Variants in SYNE1 observed in about 807,000 individuals in gnomAD.
SYNE1 encodes nesprin-1.
Under a neutral mutation model 1,111.0 loss-of-function variants are expected in SYNE1, and 616 were observed. The ratio of observed to expected loss-of-function variants is 0.55; its 90% CI spans 0.52 to 0.59. The LOEUF (loss-of-function observed/expected upper bound fraction) is 0.59. Ranked by LOEUF, SYNE1 falls within the 20% of genes least tolerant of loss-of-function variation. The pLI is 0.00. For missense variants in SYNE1, 10,006 were observed against 10,417.0 expected (o/e 0.96, Z 1.72); for synonymous variants, 3,855 against 3,825.8 (o/e 1.01, Z -0.28).
intron 77 of SYNE1, among the ~76,000 whole-genome samples, chr6:152,332,997 A>G (rs1245144249): frequency 6.6e-6 from 1 of 152,048 alleles, no homozygotes; most frequent in Non-Finnish European, 1.5e-5. Flanking sequence ...AGTAAATGTT[A>G]AGTATCAAAG....
chr6:152,455,988 GC>G lies in SYNE1; in HGVS notation c.2624del (p.Gly875AlafsTer9). On this transcript the variant is annotated frameshift_variant, in exon 23 of 146. Coordinates refer to ENST00000367255, the MANE Select transcript of SYNE1 (RefSeq NM_182961.4). LOFTEE classifies it high-confidence loss of function. ...TCACAAACTTTTGAACACTTTGACT[GC>G]CTTTCTCAATAAGTGTCAAGGTTTT... ...CKKTLTLIEK[G>X]SQSVQKFVTL... 4 of 1,614,064 alleles carry G rather than the reference GC, an allele frequency of 2.5e-6. No homozygotes were observed. The highest frequency in any genetic ancestry group is 3.4e-6 in the Non-Finnish European group (4 of 1,179,984).
intron 4 of SYNE1, among the ~76,000 whole-genome samples, chr6:152,538,907 G>A (rs1432236671): frequency 6.6e-6 from 1 of 152,092 alleles, no homozygotes; most frequent in South Asian, 2.1e-4. Context: ...CAAGCTTCTC[G>A]GGGCCTGGGA....
chr6:152,181,182 C>T (rs112686762), intron 128 of SYNE1, among the ~76,000 whole-genome samples: 19 of 151,832 alleles, frequency 1.3e-4, no homozygotes, highest in South Asian at 6.2e-4. Flanking sequence ...GAGGCCAAGG[C>T]GGACAGATCA....
chr6:152,455,476 C>T lies in SYNE1; in HGVS notation c.2842G>A (p.Glu948Lys). 2 of 1,614,150 alleles carry T rather than the reference C, an allele frequency of 1.2e-6. No individual in the cohort carries two copies. The highest frequency in any genetic ancestry group is 1.7e-6 in the Non-Finnish European group (2 of 1,180,006). ...GGATCCCCCTTTTCCTCCAGGCCCT[C>T]CTGAGCAATCCGCAGTACCTTCTCC... ...ELEKVLRIAQ[E>K]GLEEKGDPEE... Residue 948 changes from glutamate (E) to lysine (K), a missense_variant, in exon 24 of 146, where the codon GAG becomes AAG. By Grantham distance (56) the Glu-to-Lys change is moderately conservative. Coordinates refer to ENST00000367255, the MANE Select transcript of SYNE1 (RefSeq NM_182961.4).
In SYNE1 at chr6:152,399,712, C is replaced by T. The variant is rs766789322; in HGVS notation, c.7141G>A (p.Ala2381Thr). Reference protein sequence around the residue: ...HSAELESLGRAMTGLIKKHEA... With the variant: ...HSAELESLGRTMTGLIKKHEA... ...TGTTTCTTTATCAGACCAGTCATTGCACGGCCCAGGCTCTCCAACTCAGCT... is the reference window on the plus strand; with the variant it reads ...TGTTTCTTTATCAGACCAGTCATTGTACGGCCCAGGCTCTCCAACTCAGCT... The change falls in exon 48 of 146, where the codon GCA becomes ACA. Residue 2381 changes from alanine to threonine, a missense_variant. By Grantham distance (58) the Ala-to-Thr change is moderately conservative (BLOSUM62 0). Around this residue, in one of 7 missense-constraint regions of SYNE1, gnomAD observed 4,955 missense variants for 5,017.2 expected, o/e 0.99. Coordinates refer to ENST00000367255, the MANE Select transcript of SYNE1 (RefSeq NM_182961.4). The T allele has an allele frequency of 6.2e-6, 10 of 1,614,022 alleles. No individual in the cohort carries two copies. The highest frequency in any genetic ancestry group is 8.5e-6 in the Non-Finnish European group (10 of 1,180,022).
intron 64 of SYNE1, 152 bp from the exon 65 acceptor site, chr6:152,359,610 A>G (rs1031750322): frequency 9.3e-6 from 9 of 968,788 alleles, no homozygotes; most frequent in Non-Finnish European, 1.4e-5. Context: ...TTTGACACAG[A>G]TATGTGTGTG....
chr6:152,507,048 A>G lies in SYNE1; in HGVS notation c.582-1651T>C, dbSNP rs561026519. 5.3e-5 allele frequency among the ~76,000 whole-genome samples: 8 copies of G among 152,294 alleles called. No homozygotes were observed. In the East Asian group the frequency reaches 7.7e-4, roughly 15 times the overall value. On this transcript the variant is annotated intron_variant, in intron 8 of 145. Transcript: ENST00000367255. ...TCCAGAAATTGTAAAGTAATCTTGA[A>G]TCTTCTCTAATTTTCAAGCTTGTCT... is the stretch of plus-strand genomic sequence containing the variant.
chr6:152,314,175 C>G (rs1004007550), intron 87 of SYNE1, among the ~76,000 whole-genome samples: 1 of 152,206 alleles, frequency 6.6e-6, no homozygotes, highest in South Asian at 2.1e-4. Flanking sequence ...TCTGAAAATA[C>G]AAGTCTGAAC....
rs575766320 is a variant in SYNE1, at chr6:152,289,833, A to G, written c.18012+3755T>C. ...AGTAGAGACGGGGTTTCACCATGTT[A>G]GCCAGGATGGTCGCGATCTCCTGAC... On this transcript the variant is annotated intron_variant, in intron 95 of 145. Coordinates refer to ENST00000367255, the MANE Select transcript of SYNE1 (RefSeq NM_182961.4). Among the ~76,000 whole-genome samples the G allele has an allele frequency of 1.1e-3, 170 of 151,500 alleles. 1 individual carries two copies. The highest frequency in any genetic ancestry group is 3.8e-3 in the African/African-American group (155 of 41,304).
chr6:152,223,774 T>C (rs1296287756), intron 117 of SYNE1, among the ~76,000 whole-genome samples: 1 of 152,194 alleles, frequency 6.6e-6, no homozygotes, highest in African/African-American at 2.4e-5. Flanking sequence ...TGCTGGTCTC[T>C]TGTTGGCCTC....
intron 38 of SYNE1, 152 bp from the exon 39 acceptor site, chr6:152,425,699 G>C (rs1250151742): frequency 3.3e-6 from 3 of 900,596 alleles, no homozygotes; most frequent in South Asian, 2.9e-5. Context: ...ACTTGATTTA[G>C]AAATGGATCC....
intron 8 of SYNE1, among the ~76,000 whole-genome samples, chr6:152,506,585 A>G (rs2099059292): frequency 6.6e-6 from 1 of 151,946 alleles, no homozygotes; most frequent in Non-Finnish European, 1.5e-5. Context: ...TCTGTTGCCC[A>G]GGCTGGAGTG....
At chr6:152,597,424 A>T (rs1245601350) in intron 3 of SYNE1, among the ~76,000 whole-genome samples, 2 of 152,108 alleles carry the variant, frequency 1.3e-5, no homozygotes, top group Non-Finnish European at 2.9e-5. Context: ...GGGACTACAG[A>T]TGTGCACCAC....
intron 3 of SYNE1, among the ~76,000 whole-genome samples, chr6:152,550,983 GA>G (rs2099344158): frequency 1.3e-5 from 2 of 152,072 alleles, no homozygotes; most frequent in Admixed American, 1.3e-4. Flanking sequence ...ACAGTGGGAG[GA>G]AAAACAGCAC....
In SYNE1 at chr6:152,422,497, CT is replaced by C. The variant is rs147582479; in HGVS notation, c.5268-2776del. 1.9e-4 allele frequency among the ~76,000 whole-genome samples: 28 copies of C among 151,126 alleles called. 1 individual carries two copies. Among genetic ancestry groups the C allele is most frequent in the Middle Eastern group, 3.4e-3 (1 of 294 alleles). Reference sequence around the variant, plus strand: ...CCTTTGTCTATCTCTATGAAATAGCCTTTTTTTTTCTTTTTATTTTATTGAG... The same window carrying C: ...CCTTTGTCTATCTCTATGAAATAGCCTTTTTTTTCTTTTTATTTTATTGAG... On this transcript the variant is annotated intron_variant, in intron 39 of 145. Coordinates refer to ENST00000367255, the MANE Select transcript of SYNE1 (RefSeq NM_182961.4).
intron 125 of SYNE1, among the ~76,000 whole-genome samples, chr6:152,206,759 G>A (rs1210546617): frequency 1.3e-5 from 2 of 152,146 alleles, no homozygotes; most frequent in Non-Finnish European, 2.9e-5. Context: ...ATCAGGAGTG[G>A]AGGAGAGGCC....
In SYNE1 at chr6:152,391,452, C is replaced by T. The variant is rs921251906; in HGVS notation, c.7829G>A (p.Arg2610Lys). 6.2e-7 allele frequency: 1 copy of T among 1,613,878 alleles called. No homozygotes were observed. ...GCTCCGGAGTTTCTCTTTGGTCATTCTAAGTAGGTTCTGGTGGCTTGTGAG... is the reference window on the plus strand; with the variant it reads ...GCTCCGGAGTTTCTCTTTGGTCATTTTAAGTAGGTTCTGGTGGCTTGTGAG... ...QLLTSHQNLL[R>K]MTKEKLRSCQ... Residue 2610 changes from arginine (R) to lysine (K), a missense_variant, in exon 52 of 146, where the codon AGA becomes AAA. Coordinates refer to ENST00000367255, the MANE Select transcript of SYNE1 (RefSeq NM_182961.4).
At chr6:152,246,928 A>T (rs1239025752) in intron 105 of SYNE1, among the ~76,000 whole-genome samples, 1 of 152,374 alleles carries the variant, frequency 6.6e-6, no homozygotes, top group Admixed American at 6.5e-5. Flanking sequence ...CAGCAAAGCG[A>T]TCAATAAAGT....
chr6:152,451,743 A>C (rs1018868645), intron 25 of SYNE1, among the ~76,000 whole-genome samples: 1 of 151,974 alleles, frequency 6.6e-6, no homozygotes, highest in Admixed American at 6.5e-5. Context: ...AGATTCCCAA[A>C]GTGCTGGGAT....
Sources: gnomAD v4.1 joint callset for allele counts (sites outside exome capture counted in the v4.1 genomes callset) on GRCh38, gnomAD v4.1.1 for gene constraint, gnomAD v4.1.1 regional missense constraint, MANE v1.5 for transcripts, NCBI Gene and HGNC (gene_info 2026-07-23, HGNC 2026-07-21) for gene names.